Variants in ESRRG observed in about 807,000 individuals in gnomAD.
ESRRG encodes estrogen-related receptor gamma.
ESRRG carries 13 observed loss-of-function variants against 44.0 expected under a neutral mutation model. That is an observed-to-expected ratio of 0.30 (90% CI 0.19 to 0.47). ESRRG has a LOEUF of 0.47. ESRRG is among the 20% of genes least tolerant of loss of function. ESRRG has a pLI of 1.00. For missense variants in ESRRG, 395 were observed against 580.6 expected (o/e 0.68, Z 3.29); for synonymous variants, 215 against 214.6 (o/e 1.00, Z -0.02).
chr1:216,832,160 A>G (rs1181120258), intron 2 of ESRRG, among the ~76,000 whole-genome samples: 1 of 152,176 alleles, frequency 6.6e-6, no homozygotes, highest in Non-Finnish European at 1.5e-5. Flanking sequence ...TTGTACATTT[A>G]ATATCATTTT....
At chr1:216,737,153 G>A (rs964351592) in intron 2 of ESRRG, among the ~76,000 whole-genome samples, 3 of 152,150 alleles carry the variant, frequency 2.0e-5, no homozygotes, top group Non-Finnish European at 2.9e-5. Flanking sequence ...TCTAAATTCA[G>A]TTCTTTCTCT....
intron 1 of ESRRG, among the ~76,000 whole-genome samples, chr1:217,012,318 G>A (rs1465837186): frequency 6.6e-6 from 1 of 152,084 alleles, no homozygotes; most frequent in Non-Finnish European, 1.5e-5. Context: ...TAAGAGGTAT[G>A]CAATCAATAT....
chr1:217,014,872 G>A (rs1237966499), intron 1 of ESRRG, among the ~76,000 whole-genome samples: 4 of 152,086 alleles, frequency 2.6e-5, no homozygotes, highest in African/African-American at 4.8e-5. Context: ...ATAAGATGCA[G>A]GAGTTCTACA....
rs548050486 is a variant in ESRRG, at chr1:216,602,613, G to A, written c.590-34515C>T. On this transcript the variant is annotated intron_variant, in intron 3 of 6. Transcript: ENST00000408911. Reference sequence around the variant, plus strand: ...ATTCTGAGTTAAATGTTCCCAAGTGGATTGGTGATTGTGCAGCGGAGAGAA... The same window carrying A: ...ATTCTGAGTTAAATGTTCCCAAGTGAATTGGTGATTGTGCAGCGGAGAGAA... 3.0e-3 allele frequency among the ~76,000 whole-genome samples: 456 copies of A among 152,268 alleles called. 3 individuals carry two copies. The highest frequency in any genetic ancestry group is 0.01 in the African/African-American group (427 of 41,552).
intron 5 of ESRRG, among the ~76,000 whole-genome samples, chr1:216,549,615 GC>G (rs1162036546): frequency 6.6e-6 from 1 of 151,866 alleles, no homozygotes; most frequent in Non-Finnish European, 1.5e-5. Flanking sequence ...TTCAGTATGT[GC>G]CCCAAATTAA....
At chr1:216,804,031 A>AC (rs2094707154) in intron 2 of ESRRG, among the ~76,000 whole-genome samples, 1 of 26,200 alleles carries the variant, frequency 3.8e-5, no homozygotes, top group Non-Finnish European at 1.3e-4. Context: ...TTAAGGCAGA[A>AC]TAAAAAAAAA....
rs142143696 is a variant in ESRRG, at chr1:216,784,421, G to T, written c.-13-106930C>A. ...TTCTCATGAGTCATAGTAAAAGAAA[G>T]AAATCCTTATATACTTTATTTCTAT... On this transcript the variant is annotated intron_variant, in intron 2 of 7. Transcript: ENST00000359162. Among the ~76,000 whole-genome samples, 123 of 152,066 alleles carry T rather than the reference G, an allele frequency of 8.1e-4. 1 individual carries two copies. Among genetic ancestry groups the T allele is most frequent in the African/African-American group, 2.9e-3 (121 of 41,526 alleles).
chr1:217,079,650 A>T (rs766656033), intron 1 of ESRRG, among the ~76,000 whole-genome samples: 8 of 152,164 alleles, frequency 5.3e-5, no homozygotes, highest in Admixed American at 1.3e-4. Context: ...CTGTTTCCTC[A>T]TCTGTGAAAT....
chr1:216,947,039 A>G (rs942749826), intron 1 of ESRRG, among the ~76,000 whole-genome samples: 2 of 151,964 alleles, frequency 1.3e-5, no homozygotes, highest in African/African-American at 4.8e-5. Context: ...CCAACATCCA[A>G]CTTCTTTTAT....
At chr1:217,043,381 A>G (rs771215427) in intron 1 of ESRRG, among the ~76,000 whole-genome samples, 5 of 152,126 alleles carry the variant, frequency 3.3e-5, no homozygotes, top group Non-Finnish European at 5.9e-5. Context: ...AAATTGCCAG[A>G]CTCAACCTGA....
chr1:217,093,837 C>T (rs1318187301), upstream of ESRRG, among the ~76,000 whole-genome samples: 2 of 151,042 alleles, frequency 1.3e-5, no homozygotes, highest in Admixed American at 6.6e-5. Flanking sequence ...CAAAACTGCC[C>T]TTTTTTAATG....
intron 2 of ESRRG, among the ~76,000 whole-genome samples, chr1:216,817,899 C>T (rs2095188816): frequency 6.6e-6 from 1 of 151,236 alleles, no homozygotes; most frequent in Non-Finnish European, 1.5e-5. Context: ...ATATTCATCC[C>T]TCTAATCCAT....
chr1:217,066,802 A>T (rs1020861139), intron 1 of ESRRG, among the ~76,000 whole-genome samples: 1 of 152,038 alleles, frequency 6.6e-6, no homozygotes, highest in Admixed American at 6.6e-5. Flanking sequence ...ATAATCCCAA[A>T]TCTCTCCAGA....
chr1:216,805,855 A>C (rs2148383944), intron 2 of ESRRG, among the ~76,000 whole-genome samples: 1 of 152,286 alleles, frequency 6.6e-6, no homozygotes, highest in East Asian at 1.9e-4. Flanking sequence ...TACAAAAGGA[A>C]ATAAGTACAG....
At chr1:216,717,698 TA>T (rs913062914) in intron 1 of ESRRG, among the ~76,000 whole-genome samples, 1 of 151,858 alleles carries the variant, frequency 6.6e-6, no homozygotes, top group African/African-American at 2.4e-5. Flanking sequence ...CACAGACTTC[TA>T]AACTTACCTC....
At chr1:216,801,259 G>A (rs1267763743) in intron 2 of ESRRG, among the ~76,000 whole-genome samples, 1 of 152,046 alleles carries the variant, frequency 6.6e-6, no homozygotes, top group African/African-American at 2.4e-5. Context: ...TTTTGAGATG[G>A]GATCTTGCTA....
At chr1:216,787,230 C>T (rs2094156983) in intron 2 of ESRRG, among the ~76,000 whole-genome samples, 1 of 152,054 alleles carries the variant, frequency 6.6e-6, no homozygotes. Context: ...CTCCAACTGG[C>T]CATTCTCTGG....
At chr1:216,983,493 A>G (rs936774959) in intron 1 of ESRRG, among the ~76,000 whole-genome samples, 1 of 152,062 alleles carries the variant, frequency 6.6e-6, no homozygotes, top group African/African-American at 2.4e-5. Flanking sequence ...TGGCCTCTCA[A>G]AGTGCTAGGA....
chr1:216,871,834 C>T (rs753080204), intron 2 of ESRRG, among the ~76,000 whole-genome samples: 5 of 152,108 alleles, frequency 3.3e-5, no homozygotes, highest in South Asian at 2.1e-4. Context: ...AATTATCAAA[C>T]GATCTTAGAG....
Sources: gnomAD v4.1 joint callset for allele counts (sites outside exome capture counted in the v4.1 genomes callset) on GRCh38, gnomAD v4.1.1 for gene constraint, MANE v1.5 for transcripts, NCBI Gene and HGNC (gene_info 2026-07-23, HGNC 2026-07-21) for gene names.